The following PCK2 variants were observed in gnomAD, a reference collection of about 807,000 sequenced individuals.
PCK2 encodes the protein phosphoenolpyruvate carboxykinase [GTP], mitochondrial.
Under a neutral mutation model 65.9 loss-of-function variants are expected in PCK2, and 56 were observed. The observed-to-expected ratio is 0.85, with a 90% CI of 0.69 to 1.06. The LOEUF (loss-of-function observed/expected upper bound fraction) is 1.06. Ranked by LOEUF, PCK2 falls within the 50% of genes least tolerant of loss-of-function variation. The pLI is 0.00. For missense variants in PCK2, 843 were observed against 863.1 expected, an observed-to-expected ratio of 0.98 and a Z score of 0.29; for synonymous variants, 305 against 319.6, an observed-to-expected ratio of 0.95 and a Z score of 0.49.
In PCK2 at chr14:24,099,250, GAGA is replaced by G. The variant is rs777540514; in HGVS notation, c.852+17_852+19del. 5.7e-6 allele frequency: 9 copies of G among 1,583,126 alleles called. No individual in the cohort carries two copies. In the East Asian group the frequency reaches 2.0e-4, roughly 36 times the overall value. ...GAGCACATGCTGGTGAGGGCCTGGT[GAGA>G]AGCAGGGCAGCTGCCGGGGACAGGG... On this transcript the variant is annotated intron_variant, in intron 5 of 9. Transcript: ENST00000216780.
chr14:24,099,202 C>T lies in PCK2; in HGVS notation c.818C>T (p.Ala273Val), dbSNP rs1212311379. The change falls in exon 5 of 10, where the codon GCC (alanine) becomes GTC (valine). Residue 273 changes from alanine to valine, a missense_variant. Coordinates refer to ENST00000216780, the MANE Select transcript of PCK2 (RefSeq NM_004563.4). ...GCCCTACGCATCGCCTCTCGGCTGG[C>T]CCGGGATGAGGGCTGGCTGGCAGAG... ...CFALRIASRLARDEGWLAEHM... is the reference protein window; with the variant it reads ...CFALRIASRLVRDEGWLAEHM... 2 of 1,602,258 alleles carry T rather than the reference C, an allele frequency of 1.2e-6. No homozygotes were observed. Among genetic ancestry groups the T allele is most frequent in the African/African-American group, 1.3e-5 (1 of 74,866 alleles).
In PCK2 at chr14:24,094,525, C is replaced by T. The variant is rs1202770407; in HGVS notation, c.29+91C>T. 4 of 1,447,000 alleles carry T rather than the reference C, an allele frequency of 2.8e-6. No homozygotes were observed. The highest frequency in any genetic ancestry group is 3.6e-6 in the Non-Finnish European group (4 of 1,105,356). The allele number at this position is 1,447,000 out of a possible 1,614,324, so 89.6% of individuals were successfully genotyped here. A position where few individuals can be genotyped will look rare whatever the true frequency, so the allele number is the denominator to read the frequency against. On this transcript the variant is annotated intron_variant, in intron 1 of 9. Coordinates refer to ENST00000216780, the MANE Select transcript of PCK2 (RefSeq NM_004563.4). This position sits in a 1 kb window ranked among gnomAD's most constrained non-coding sequence, Gnocchi z 4.1. ...GTGGCGCTCTCCTGCTCTCAGCCTC[C>T]GCCAGGTTTCCCATCCTAGGCGGAG...
Position 24,094,539 on chromosome 14 carries a change from T to C in PCK2, c.29+105T>C. 6.9e-7 allele frequency: 1 copy of C among 1,442,356 alleles called. No individual in the cohort carries two copies. The highest frequency in any genetic ancestry group is 9.1e-7 in the Non-Finnish European group (1 of 1,102,754). The allele number at this position is 1,442,356 out of a possible 1,614,324, so 89.3% of individuals were successfully genotyped here. The stretch of plus-strand genomic sequence containing the variant: ...CTCTCAGCCTCCGCCAGGTTTCCCA[T>C]CCTAGGCGGAGGCGGGCAGGGGCGA... On this transcript the variant is annotated intron_variant, in intron 1 of 9. Coordinates refer to ENST00000216780, the MANE Select transcript of PCK2 (RefSeq NM_004563.4). The surrounding 1 kb of genome is among the most constrained non-coding windows in gnomAD (Gnocchi z 4.1).
intron 2 of PCK2, among the ~76,000 whole-genome samples, chr14:24,097,590 ATT>A (rs200681299): frequency 0.082 from 11,255 of 137,792 alleles, 485 homozygotes; most frequent in African/African-American, 0.1. Context: ...AGAAACTGGG[ATT>A]TTTTTTTTTT....
chr14:24,096,228 C>CTTTTTTTT (rs34592767), intron 1 of PCK2, among the ~76,000 whole-genome samples: 2 of 58,878 alleles, frequency 3.4e-5, no homozygotes, highest in Non-Finnish European at 5.7e-5. Context: ...CTACTCATTT[C>CTTTTTTTT]TTTTTTTTTT....
Position 24,094,918 on chromosome 14 carries a change from T to C in PCK2, c.29+484T>C. On this transcript the variant is annotated intron_variant, in intron 1 of 9. Transcript: ENST00000216780. The surrounding 1 kb of genome is among the most constrained non-coding windows in gnomAD (Gnocchi z 4.1). ...GAAGGTTAAATATCCATTCCCGGCCTCTCCCGGACTGGAAGGACTGGAACC... is the reference window on the plus strand; with the variant it reads ...GAAGGTTAAATATCCATTCCCGGCCCCTCCCGGACTGGAAGGACTGGAACC... 1 of 1,132,426 alleles carries C rather than the reference T, an allele frequency of 8.8e-7. No individual in the cohort carries two copies. Among genetic ancestry groups the C allele is most frequent in the Non-Finnish European group, 1.2e-6 (1 of 849,650 alleles). The allele number at this position is 1,132,426 out of a possible 1,614,324, so 70.1% of individuals were successfully genotyped here.
At chr14:24,099,388 T>A in intron 5 of PCK2, 152 bp downstream of exon 5, 1 of 1,005,718 alleles carries the variant, frequency 9.9e-7, no homozygotes, top group Non-Finnish European at 1.4e-6. Context: ...CTCAGGCTGC[T>A]GAATGTTGAG....
At chr14:24,100,241 A>C in intron 7 of PCK2, 28 bp downstream of exon 7, 1 of 1,613,102 alleles carries the variant, frequency 6.2e-7, no homozygotes. Flanking sequence ...GGTGTGGCAC[A>C]GCCTCCAGGC....
intron 3 of PCK2, 30 bp downstream of exon 3, chr14:24,098,417 G>A: frequency 1.2e-6 from 2 of 1,612,044 alleles, no homozygotes; most frequent in Non-Finnish European, 8.5e-7. Flanking sequence ...AGTGGCAAGG[G>A]CACGGAAGAT....
At chr14:24,103,476 G>A (rs769437620) in intron 9 of PCK2, 34 bp from the exon 10 acceptor site, 2 of 1,521,924 alleles carry the variant, frequency 1.3e-6, no homozygotes, top group Admixed American at 2.1e-5. Context: ...CCAGTGAGAA[G>A]GAAGATTCCT....
In PCK2 at chr14:24,103,861, T is replaced by C; in HGVS notation, c.1820T>C (p.Val607Ala). Residue 607 changes from valine (V) to alanine (A), a missense_variant, in exon 10 of 10, where the codon GTT becomes GCT. Coordinates refer to ENST00000216780, the MANE Select transcript of PCK2 (RefSeq NM_004563.4). ...SLPKDFWEQEVRDIRSYLTEQ... is the reference protein window; with the variant it reads ...SLPKDFWEQEARDIRSYLTEQ... Reference sequence around the variant, plus strand: ...CCCAAGGACTTCTGGGAACAGGAGGTTCGTGACATTCGGAGCTACCTGACA... The same window carrying C: ...CCCAAGGACTTCTGGGAACAGGAGGCTCGTGACATTCGGAGCTACCTGACA... 6.2e-7 allele frequency: 1 copy of C among 1,613,988 alleles called. No homozygotes were observed.
At chr14:24,102,532 CTT>C (rs572353926) in intron 7 of PCK2, 26 of 525,446 alleles carry the variant, frequency 4.9e-5, no homozygotes, top group South Asian at 4.2e-4. Flanking sequence ...CTCTCCCACT[CTT>C]TTCTCACATA....
chr14:24,103,640 C>T lies in PCK2; in HGVS notation c.1599C>T (p.Asn533=). ...GAQLPRIFHV[N]WFRRDEAGHF... ...AGCTGCCCCGTATCTTCCATGTCAA[C>T]TGGTTCCGGCGTGACGAGGCAGGGC... The change falls in exon 10 of 10, where the codon AAC becomes AAT. Residue 533 remains asparagine (N), a synonymous_variant. Coordinates refer to ENST00000216780, the MANE Select transcript of PCK2 (RefSeq NM_004563.4). 6.2e-7 allele frequency: 1 copy of T among 1,614,154 alleles called. No individual in the cohort carries two copies. The highest frequency in any genetic ancestry group is 1.1e-5 in the South Asian group (1 of 91,084).
In PCK2 at chr14:24,097,019, C is replaced by A. The variant is rs201059299; in HGVS notation, c.157C>A (p.Arg53Ser). ...GIRDFVEHSARLCQPEGIHIC... is the reference protein window; with the variant it reads ...GIRDFVEHSASLCQPEGIHIC... ...TCGAGATTTTGTAGAGCACAGTGCCCGCCTGTGCCAACCAGAGGGCATCCA... is the reference window on the plus strand; with the variant it reads ...TCGAGATTTTGTAGAGCACAGTGCCAGCCTGTGCCAACCAGAGGGCATCCA... Residue 53 changes from arginine to serine, a missense_variant, in exon 2 of 10, where the codon CGC (arginine) becomes AGC (serine). Transcript: ENST00000216780. The A allele has an allele frequency of 6.8e-5, 110 of 1,613,388 alleles. 1 individual carries two copies. The Middle Eastern group carries it at 4.0e-3, about 58-fold the overall frequency.
intron 4 of PCK2, 73 bp from the exon 5 acceptor site, chr14:24,098,976 C>A: frequency 5.8e-6 from 7 of 1,203,426 alleles, no homozygotes. Context: ...CCTGCCAATC[C>A]CTGATCCCTC....
At chr14:24,098,907 A>T in intron 4 of PCK2, 142 bp from the exon 5 acceptor site, 2 of 746,618 alleles carry the variant, frequency 2.7e-6, no homozygotes, top group Admixed American at 2.2e-5. Flanking sequence ...GCTGATGGTT[A>T]TTATGAGGTG....
At chr14:24,099,319 C>A in intron 5 of PCK2, 83 bp downstream of exon 5, 1 of 1,346,246 alleles carries the variant, frequency 7.4e-7, no homozygotes, top group African/African-American at 1.4e-5. Flanking sequence ...CCTCACCTCC[C>A]TCCTGCCAGG....
chr14:24,103,365 C>A, intron 9 of PCK2, 110 bp downstream of exon 9: 1 of 1,125,864 alleles, frequency 8.9e-7, no homozygotes, highest in South Asian at 1.3e-5. Flanking sequence ...GATATGGCCC[C>A]ACCTCTTCCC....
chr14:24,100,193 T>C lies in PCK2; in HGVS notation c.1214T>C (p.Leu405Pro), dbSNP rs1271724041. 1.2e-6 allele frequency: 2 copies of C among 1,614,076 alleles called. No homozygotes were observed. The highest frequency in any genetic ancestry group is 1.7e-6 in the Non-Finnish European group (2 of 1,180,028). ...CCTGGTGTTACTGTGACCTCCTGGC[T>C]GGGCAAACCCTGGAAACCTGGTATG... ...LPPGVTVTSW[L>P]GKPWKPGDKE... is the part of the protein sequence containing the mutation. The change falls in exon 7 of 10, where the codon CTG (leucine) becomes CCG (proline). Residue 405 changes from leucine to proline, a missense_variant. Leu to Pro is a moderately conservative substitution (Grantham distance 98). Coordinates refer to ENST00000216780, the MANE Select transcript of PCK2 (RefSeq NM_004563.4).
Sources: gnomAD v4.1 joint callset for allele counts (sites outside exome capture counted in the v4.1 genomes callset) on GRCh38, gnomAD v4.1.1 for gene constraint, Gnocchi (gnomAD v3.1) non-coding constraint, MANE v1.5 for transcripts, NCBI Gene and HGNC (gene_info 2026-07-23, HGNC 2026-07-21) for gene names.